Variants in RBMS2 observed in about 807,000 individuals in gnomAD.
RBMS2 encodes RNA binding motif single stranded interacting protein 2.
RBMS2 carries 38 observed loss-of-function variants against 58.4 expected under a neutral mutation model. That is an observed-to-expected ratio of 0.65 (90% confidence interval 0.50 to 0.85). The LOEUF (loss-of-function observed/expected upper bound fraction) is 0.85. Ranked by LOEUF, RBMS2 falls within the 40% of genes least tolerant of loss-of-function variation. RBMS2 has a pLI of 0.00. For synonymous variants in RBMS2, 151 were observed against 180.7 expected (o/e 0.84, Z 1.32); for missense variants, 367 against 503.7 (o/e 0.73, Z 2.60).
In RBMS2 at chr12:56,594,596, CCTTCCATAGGAGTCAGCTATGGA is replaced by C. The variant is rs1375597338; in HGVS notation, c.*5477_*5499del. 4.6e-5 allele frequency: 7 copies of C among 152,210 alleles called. No homozygotes were observed. Among genetic ancestry groups the C allele is most frequent in the African/African-American group, 1.4e-4 (6 of 41,448 alleles). 9.4% of individuals were successfully genotyped at this position (152,210 alleles called of 1,614,324 possible). On this transcript the variant is annotated 3_prime_UTR_variant, in exon 14 of 14. Transcript: ENST00000262031. ...TCCTGAAATTTCCTCATTTGGTAGG[CCTTCCATAGGAGTCAGCTATGGA>C]CTTCCATAGGAGTTGGCAGCTAAAA...
In RBMS2 at chr12:56,590,945, A is replaced by C. The variant is rs1057483406; in HGVS notation, c.*1812A>C. 1.3e-5 allele frequency: 2 copies of C among 152,102 alleles called. No individual in the cohort carries two copies. Among genetic ancestry groups the C allele is most frequent in the Admixed American group, 1.3e-4 (2 of 15,256 alleles). 9.4% of individuals were successfully genotyped at this position (152,102 alleles called of 1,614,324 possible). On this transcript the variant is annotated 3_prime_UTR_variant, in exon 14 of 14. Coordinates refer to ENST00000262031, the MANE Select transcript of RBMS2 (RefSeq NM_002898.4). The stretch of plus-strand genomic sequence containing the variant: ...AGGGTAGCAAAGAGCAATAAATTCC[A>C]ACTCTTTATGAGGTCAGGAGTCCTT...
At chr12:56,582,868 C>T (rs142007747) in intron 9 of RBMS2, among the ~76,000 whole-genome samples, 2,346 of 152,220 alleles carry the variant, frequency 0.015, 62 homozygotes, top group African/African-American at 0.053. Flanking sequence ...CGGGGTTTCA[C>T]CATGTTGGCC....
At chr12:56,586,105 T>G (rs528439119) in intron 9 of RBMS2, among the ~76,000 whole-genome samples, 46 of 152,070 alleles carry the variant, frequency 3.0e-4, no homozygotes, top group East Asian at 1.2e-3. Flanking sequence ...GAGGCGGGCA[T>G]ATCACGAGGT....
At chr12:56,562,650 G>C (rs887081172) in intron 2 of RBMS2, 67 bp downstream of exon 2, 4 of 1,502,232 alleles carry the variant, frequency 2.7e-6, no homozygotes, top group Admixed American at 1.7e-5. Flanking sequence ...ACAGGGTCTC[G>C]TTATGTTGTC....
chr12:56,525,431 A>G (rs1277460480), intron 1 of RBMS2, among the ~76,000 whole-genome samples: 1 of 151,994 alleles, frequency 6.6e-6, no homozygotes, highest in Non-Finnish European at 1.5e-5. Context: ...CATGTTGCCC[A>G]GGCTGGTCTT....
Position 56,596,011 on chromosome 12 carries a change from A to G in RBMS2, c.*6878A>G, listed in dbSNP as rs1885772730. 6.5e-6 allele frequency: 1 copy of G among 152,740 alleles called. No individual in the cohort carries two copies. The highest frequency in any genetic ancestry group is 2.4e-5 in the African/African-American group (1 of 41,480). The allele number at this position is 152,740 out of a possible 1,614,324, so 9.5% of individuals were successfully genotyped here. The stretch of plus-strand genomic sequence containing the variant: ...GCACTTGTGGAACATCACATGGCAA[A>G]AACAGGAGTTTTTTCGCTAGACTTT... On this transcript the variant is annotated 3_prime_UTR_variant, in exon 14 of 14. Coordinates refer to ENST00000262031, the MANE Select transcript of RBMS2 (RefSeq NM_002898.4).
At chr12:56,543,096 A>C (rs1035670278) in intron 1 of RBMS2, among the ~76,000 whole-genome samples, 1 of 151,872 alleles carries the variant, frequency 6.6e-6, no homozygotes, top group Non-Finnish European at 1.5e-5. Flanking sequence ...CTGGTCTCAA[A>C]CTCCTGGCCT....
upstream of RBMS2, among the ~76,000 whole-genome samples, chr12:56,521,502 G>GTTTTTTGTTTTTTTTTTTTT (rs1555185431): frequency 1.4e-5 from 1 of 73,158 alleles, no homozygotes; most frequent in African/African-American, 5.5e-5. Flanking sequence ...CTCTAACTCT[G>GTTTTTTGTTTTTTTTTTTTT]TTTTTTTTTT....
chr12:56,570,105 TC>T (rs1287597886), intron 4 of RBMS2, 115 bp downstream of exon 4: 2 of 900,606 alleles, frequency 2.2e-6, no homozygotes, highest in African/African-American at 3.4e-5. Flanking sequence ...GCAAGGGCTA[TC>T]CGTGGTGCTT....
chr12:56,582,155 A>G lies in RBMS2; in HGVS notation c.873+3A>G, dbSNP rs374167104. ...CCTCTCCTGTGTCTTCGTATCAGGT[A>G]TGTTCATGCCTGAAAAATGGTGTGG... On this transcript the variant is annotated splice_donor_region_variant and intron_variant, in intron 9 of 13. Coordinates refer to ENST00000262031, the MANE Select transcript of RBMS2 (RefSeq NM_002898.4). 128 of 1,593,096 alleles carry G rather than the reference A, an allele frequency of 8.0e-5. No homozygotes were observed. The highest frequency in any genetic ancestry group is 1.7e-4 in the Middle Eastern group (1 of 6,038).
intron 1 of RBMS2, among the ~76,000 whole-genome samples, chr12:56,541,848 G>A (rs1243858034): frequency 6.6e-6 from 1 of 152,150 alleles, no homozygotes; most frequent in African/African-American, 2.4e-5. Flanking sequence ...CACTAAGAAG[G>A]GAGGGGTGAT....
At chr12:56,586,733 T>A in intron 9 of RBMS2, 116 bp from the exon 10 acceptor site, 1 of 798,068 alleles carries the variant, frequency 1.3e-6, no homozygotes, top group Non-Finnish European at 2.1e-6. Flanking sequence ...TTTTTCTTAA[T>A]GTTTCTATTT....
chr12:56,521,502 G>GTTTTTTTTTTTTTTTTTTTTTTTTT (rs68129205), upstream of RBMS2, among the ~76,000 whole-genome samples: 10 of 73,158 alleles, frequency 1.4e-4, 1 homozygote, highest in African/African-American at 5.0e-4. Flanking sequence ...CTCTAACTCT[G>GTTTTTTTTTTTTTTTTTTTTTTTTT]TTTTTTTTTT....
chr12:56,529,613 A>C (rs977817549), intron 1 of RBMS2, among the ~76,000 whole-genome samples: 4 of 148,736 alleles, frequency 2.7e-5, no homozygotes, highest in Non-Finnish European at 5.9e-5. Context: ...CTCTAGGGGA[A>C]AAAAAAAAGA....
intron 5 of RBMS2, 126 bp from the exon 6 acceptor site, chr12:56,581,058 G>C (rs1403611267): frequency 1.2e-6 from 1 of 810,960 alleles, no homozygotes. Flanking sequence ...GACACTCTGT[G>C]TTTCTGTAGT....
At chr12:56,580,230 C>CTT (rs544289831) in intron 5 of RBMS2, 22,125 of 309,350 alleles carry the variant, frequency 0.072, 795 homozygotes, top group East Asian at 0.09. Flanking sequence ...TGAGCCTGGC[C>CTT]TTTTTTTTTT....
chr12:56,566,033 C>T (rs1429058535), intron 2 of RBMS2, among the ~76,000 whole-genome samples: 1 of 152,128 alleles, frequency 6.6e-6, no homozygotes. Flanking sequence ...TGAGTCCCTC[C>T]CCTGCCTCAA....
At chr12:56,528,522 G>A (rs568193412) in intron 1 of RBMS2, among the ~76,000 whole-genome samples, 2 of 152,038 alleles carry the variant, frequency 1.3e-5, no homozygotes, top group African/African-American at 4.8e-5. Flanking sequence ...CATCTGAATC[G>A]ATGTTTATCC....
chr12:56,577,784 G>A (rs1883355648), intron 5 of RBMS2, among the ~76,000 whole-genome samples: 1 of 152,050 alleles, frequency 6.6e-6, no homozygotes, highest in Non-Finnish European at 1.5e-5. Context: ...CCAGGTTCAA[G>A]CAATTCTCCT....
Sources: gnomAD v4.1 joint callset for allele counts (sites outside exome capture counted in the v4.1 genomes callset) on GRCh38, gnomAD v4.1.1 for gene constraint, MANE v1.5 for transcripts, NCBI Gene and HGNC (gene_info 2026-07-23, HGNC 2026-07-21) for gene names.